The following SPRYD4 variants were observed in gnomAD, a reference collection of about 807,000 sequenced individuals.
SPRYD4 encodes the protein SPRY domain-containing protein 4.
A neutral mutation model predicts 16.6 loss-of-function variants in SPRYD4; 12 were observed. The observed-to-expected ratio is 0.72, with a 90% CI of 0.46 to 1.17. SPRYD4 has a LOEUF of 1.17. SPRYD4 is among the 50% of genes most tolerant of loss of function. The pLI, the probability that SPRYD4 is intolerant of heterozygous loss-of-function variation, is 0.00. For synonymous variants in SPRYD4, 98 were observed against 105.4 expected, an observed-to-expected ratio of 0.93 and a Z score of 0.43; for missense variants, 260 against 260.2, an observed-to-expected ratio of 1.00 and a Z score of 0.00.
At position 56,478,847 on chromosome 12, in the gene SPRYD4, G is replaced by A. The variant is rs1286893269; in HGVS notation, c.*9270G>A. ...ATCTCTACTAAAAATACAAAAATTA[G>A]TCGGGCATGGTGGTGTATGCCAGCT... On this transcript the variant is annotated 3_prime_UTR_variant, in exon 2 of 2. Transcript: ENST00000338146. The A allele has an allele frequency of 1.5e-5, 8 of 548,260 alleles. No individual in the cohort carries two copies. Among genetic ancestry groups the A allele is most frequent in the Non-Finnish European group, 2.2e-5 (7 of 322,580 alleles). 34.0% of individuals were successfully genotyped at this position (548,260 alleles called of 1,614,324 possible). A position where few individuals can be genotyped will look rare whatever the true frequency, so the allele number is the denominator to read the frequency against.
At position 56,471,489 on chromosome 12, in the gene SPRYD4, A is replaced by G; in HGVS notation, c.*1912A>G. The G allele has an allele frequency of 6.2e-7, 1 of 1,612,444 alleles. No homozygotes were observed. Among genetic ancestry groups the G allele is most frequent in the South Asian group, 1.1e-5 (1 of 90,862 alleles). On this transcript the variant is annotated 3_prime_UTR_variant, in exon 2 of 2. Coordinates refer to ENST00000338146, the MANE Select transcript of SPRYD4 (RefSeq NM_207344.4). ...CAGGGGCTGTCCATGACCTGTGCTCATACCATGCTTTCTAAGTTCTCTTTG... is the reference window on the plus strand; with the variant it reads ...CAGGGGCTGTCCATGACCTGTGCTCGTACCATGCTTTCTAAGTTCTCTTTG...
rs1439431088 is a variant in SPRYD4, at chr12:56,469,870, C to CA, written c.*294dup. On this transcript the variant is annotated 3_prime_UTR_variant, in exon 2 of 2. Coordinates refer to ENST00000338146, the MANE Select transcript of SPRYD4 (RefSeq NM_207344.4). Reference sequence around the variant, plus strand: ...TGCCTCCCTTTGCCCAGGCCTTTCTCAGACTGTATTCCATCCTGGGGTCTT... The same window carrying CA: ...TGCCTCCCTTTGCCCAGGCCTTTCTCAAGACTGTATTCCATCCTGGGGTCTT... 1.4e-5 allele frequency: 6 copies of CA among 426,524 alleles called. No individual in the cohort carries two copies. The Admixed American group carries it at 2.2e-4, about 16-fold the overall frequency. 26.4% of individuals were successfully genotyped at this position (426,524 alleles called of 1,614,324 possible).
At position 56,472,831 on chromosome 12, in the gene SPRYD4, G is replaced by T; in HGVS notation, c.*3254G>T. 1 of 1,139,916 alleles carries T rather than the reference G, an allele frequency of 8.8e-7. No homozygotes were observed. Among genetic ancestry groups the T allele is most frequent in the Non-Finnish European group, 1.3e-6 (1 of 750,234 alleles). 70.6% of individuals were successfully genotyped at this position (1,139,916 alleles called of 1,614,324 possible). On this transcript the variant is annotated 3_prime_UTR_variant, in exon 2 of 2. Coordinates refer to ENST00000338146, the MANE Select transcript of SPRYD4 (RefSeq NM_207344.4). The stretch of plus-strand genomic sequence containing the variant: ...TGCCCTGTGACCCTCCTCCATGGAT[G>T]CTTAGTCCAAGGGTATTGCTGAAGT...
rs1482157323 is a variant in SPRYD4, at chr12:56,469,293, T to A, written c.340T>A (p.Cys114Ser). ...VADVDMSRDS[C>S]IGVDDRSWVF... Reference sequence around the variant, plus strand: ...AGATGTGGACATGTCCCGGGATAGCTGCATTGGTGTTGATGATCGTTCCTG... The same window carrying A: ...AGATGTGGACATGTCCCGGGATAGCAGCATTGGTGTTGATGATCGTTCCTG... Residue 114 changes from cysteine to serine, a missense_variant, in exon 2 of 2, where the codon TGC (cysteine) becomes AGC (serine). Physicochemically the swap from Cys to Ser is moderately radical, Grantham distance 112. Coordinates refer to ENST00000338146, the MANE Select transcript of SPRYD4 (RefSeq NM_207344.4). 1.2e-6 allele frequency: 2 copies of A among 1,614,158 alleles called. No homozygotes were observed. The highest frequency in any genetic ancestry group is 1.7e-6 in the Non-Finnish European group (2 of 1,180,018).
rs746904700 is a variant in SPRYD4, at chr12:56,474,680, A to G, written c.*5103A>G. On this transcript the variant is annotated 3_prime_UTR_variant, in exon 2 of 2. Transcript: ENST00000338146. ...CCCACCGTTGGCGAGGGTGGCTGCC[A>G]TGACACTGCCTGATTCACAAGTGAC... is the stretch of plus-strand genomic sequence containing the variant. 56 of 1,612,922 alleles carry G rather than the reference A, an allele frequency of 3.5e-5. No individual in the cohort carries two copies. Among genetic ancestry groups the G allele is most frequent in the African/African-American group, 8.0e-5 (6 of 74,926 alleles).
At position 56,477,738 on chromosome 12, in the gene SPRYD4, C is replaced by G. The variant is rs757527543; in HGVS notation, c.*8161C>G. The G allele has an allele frequency of 1.5e-5, 24 of 1,607,276 alleles. No homozygotes were observed. The Middle Eastern group carries it at 5.0e-4, about 33-fold the overall frequency. On this transcript the variant is annotated 3_prime_UTR_variant, in exon 2 of 2. Coordinates refer to ENST00000338146, the MANE Select transcript of SPRYD4 (RefSeq NM_207344.4). Reference sequence around the variant, plus strand: ...GGATTCCTGGGGAAATACAAACCACCAAGAGTCTTAGCCACTGAACAAAGC... The same window carrying G: ...GGATTCCTGGGGAAATACAAACCACGAAGAGTCTTAGCCACTGAACAAAGC...
rs754547749 is a variant in SPRYD4, at chr12:56,469,328, C to T, written c.375C>T (p.Thr125=). The T allele has an allele frequency of 5.0e-6, 8 of 1,614,064 alleles. No individual in the cohort carries two copies. The African/African-American group carries it at 1.1e-4, about 22-fold the overall frequency. Residue 125 remains threonine (T), a synonymous_variant, in exon 2 of 2, where the codon ACC becomes ACT. Coordinates refer to ENST00000338146, the MANE Select transcript of SPRYD4 (RefSeq NM_207344.4). Reference sequence around the variant, plus strand: ...TTGATGATCGTTCCTGGGTGTTCACCTATGCCCAGCGCAAGTGGTACACCA... The same window carrying T: ...TTGATGATCGTTCCTGGGTGTTCACTTATGCCCAGCGCAAGTGGTACACCA... ...IGVDDRSWVF[T]YAQRKWYTML... is the part of the protein sequence containing the mutation.
Position 56,478,487 on chromosome 12 carries a change from G to A in SPRYD4, c.*8910G>A. On this transcript the variant is annotated 3_prime_UTR_variant, in exon 2 of 2. Coordinates refer to ENST00000338146, the MANE Select transcript of SPRYD4 (RefSeq NM_207344.4). ...TGTAGAGATAGCAGTAAAGCCAATG[G>A]AAGTTAAAAAAGGAGAATTCTGAGG... 2 of 535,408 alleles carry A rather than the reference G, an allele frequency of 3.7e-6. No homozygotes were observed. The highest frequency in any genetic ancestry group is 3.3e-5 in the Admixed American group (1 of 30,644). 33.2% of individuals were successfully genotyped at this position (535,408 alleles called of 1,614,324 possible).
Position 56,470,970 on chromosome 12 carries a change from T to G in SPRYD4, c.*1393T>G, listed in dbSNP as rs999121501. On this transcript the variant is annotated 3_prime_UTR_variant, in exon 2 of 2. Coordinates refer to ENST00000338146, the MANE Select transcript of SPRYD4 (RefSeq NM_207344.4). ...GCAAAAATGATTTGGTAATTAAAGT[T>G]TATTTGAACACAAAATACTTTCTCT... 5.9e-6 allele frequency: 1 copy of G among 169,488 alleles called. No individual in the cohort carries two copies. The highest frequency in any genetic ancestry group is 2.4e-5 in the African/African-American group (1 of 42,226). The allele number at this position is 169,488 out of a possible 1,614,324, so 10.5% of individuals were successfully genotyped here. A position where few individuals can be genotyped will look rare whatever the true frequency, so the allele number is the denominator to read the frequency against.
rs575448834 is a variant in SPRYD4, at chr12:56,468,762, C to T, written c.85+86C>T. 346 of 1,421,066 alleles carry T rather than the reference C, an allele frequency of 2.4e-4. 3 individuals are homozygous for T. In the African/African-American group the frequency reaches 4.4e-3, roughly 18 times the overall value. 88.0% of individuals were successfully genotyped at this position (1,421,066 alleles called of 1,614,324 possible). A position where few individuals can be genotyped will look rare whatever the true frequency, so the allele number is the denominator to read the frequency against. ...CCCCACTCCGAGAAGCAACTCCAAC[C>T]CTCTCGGGTCTTTTCCTTCCCCACC... On this transcript the variant is annotated intron_variant, in intron 1 of 1. Transcript: ENST00000338146.
rs1870092607 is a variant in SPRYD4, at chr12:56,479,265, A to G, written c.*9688A>G. On this transcript the variant is annotated 3_prime_UTR_variant, in exon 2 of 2. Transcript: ENST00000338146. ...GGAGCCACGGAAATTGGGAATAAAG[A>G]AGGTTGAGTGGTCTTCAGGTTTGGG... is the stretch of plus-strand genomic sequence containing the variant. 6.5e-7 allele frequency: 1 copy of G among 1,543,418 alleles called. No individual in the cohort carries two copies. Among genetic ancestry groups the G allele is most frequent in the Admixed American group, 1.9e-5 (1 of 53,826 alleles).
At position 56,475,898 on chromosome 12, in the gene SPRYD4, A is replaced by G. The variant is rs1183357060; in HGVS notation, c.*6321A>G. ...CACTGGGGCAGCTGGAGAGGACAGC[A>G]TGCCATGGCGAAATGCAGCCAGGGG... On this transcript the variant is annotated 3_prime_UTR_variant, in exon 2 of 2. Coordinates refer to ENST00000338146, the MANE Select transcript of SPRYD4 (RefSeq NM_207344.4). 3 of 1,603,834 alleles carry G rather than the reference A, an allele frequency of 1.9e-6. No homozygotes were observed. Among genetic ancestry groups the G allele is most frequent in the African/African-American group, 2.7e-5 (2 of 74,694 alleles).
Position 56,469,734 on chromosome 12 carries a change from T to A in SPRYD4, c.*157T>A. ...TGATCATCTTCCTCATCCCCTACCT[T>A]GTGAAAGCTAGGCATACAGCCAAAC... is the stretch of plus-strand genomic sequence containing the variant. On this transcript the variant is annotated 3_prime_UTR_variant, in exon 2 of 2. Coordinates refer to ENST00000338146, the MANE Select transcript of SPRYD4 (RefSeq NM_207344.4). 1.3e-6 allele frequency: 1 copy of A among 761,862 alleles called. No individual in the cohort carries two copies. 47.2% of individuals were successfully genotyped at this position (761,862 alleles called of 1,614,324 possible).
chr12:56,469,079 C>A lies in SPRYD4; in HGVS notation c.126C>A (p.Ser42Arg). 6.2e-7 allele frequency: 1 copy of A among 1,600,088 alleles called. No homozygotes were observed. Among genetic ancestry groups the A allele is most frequent in the South Asian group, 1.1e-5 (1 of 89,922 alleles). ...FKLEEKTAHS[S>R]LALFRDDTGV... ...TGGAAGAAAAAACCGCCCACAGCAGCCTGGCACTCTTCAGAGATGATACGG... is the reference window on the plus strand; with the variant it reads ...TGGAAGAAAAAACCGCCCACAGCAGACTGGCACTCTTCAGAGATGATACGG... The change falls in exon 2 of 2, where the codon AGC becomes AGA. Residue 42 changes from serine (S) to arginine (R), a missense_variant. Coordinates refer to ENST00000338146, the MANE Select transcript of SPRYD4 (RefSeq NM_207344.4).
chr12:56,469,296 A>G lies in SPRYD4; in HGVS notation c.343A>G (p.Ile115Val), dbSNP rs774354137. The part of the protein sequence containing the change: ...ADVDMSRDSC[I>V]GVDDRSWVFT... ...TGTGGACATGTCCCGGGATAGCTGC[A>G]TTGGTGTTGATGATCGTTCCTGGGT... The change falls in exon 2 of 2, where the codon ATT becomes GTT. Residue 115 changes from isoleucine to valine, a missense_variant. Coordinates refer to ENST00000338146, the MANE Select transcript of SPRYD4 (RefSeq NM_207344.4). 10 of 1,613,996 alleles carry G rather than the reference A, an allele frequency of 6.2e-6. No individual in the cohort carries two copies. The South Asian group carries it at 6.6e-5, about 11-fold the overall frequency.
rs901031980 is a variant in SPRYD4, at chr12:56,471,147, A to G, written c.*1570A>G. On this transcript the variant is annotated 3_prime_UTR_variant, in exon 2 of 2. Transcript: ENST00000338146. ...GCATGGTAGCTAGAGTCCCTCCACC[A>G]GAGTATCTCTCTCATGATGGTTTCT... 12 of 417,230 alleles carry G rather than the reference A, an allele frequency of 2.9e-5. No individual in the cohort carries two copies. The highest frequency in any genetic ancestry group is 1.0e-4 in the South Asian group (1 of 9,984). The allele number at this position is 417,230 out of a possible 1,614,324, so 25.8% of individuals were successfully genotyped here. A position where few individuals can be genotyped will look rare whatever the true frequency, so the allele number is the denominator to read the frequency against.
Position 56,472,864 on chromosome 12 carries a change from A to G in SPRYD4, c.*3287A>G. ...CAAGGGTATTGCTGAAGTGTTATGGAATGTGCTACTCTGAAATATTCTTTT... is the reference window on the plus strand; with the variant it reads ...CAAGGGTATTGCTGAAGTGTTATGGGATGTGCTACTCTGAAATATTCTTTT... On this transcript the variant is annotated 3_prime_UTR_variant, in exon 2 of 2. Coordinates refer to ENST00000338146, the MANE Select transcript of SPRYD4 (RefSeq NM_207344.4). The G allele has an allele frequency of 2.5e-6, 2 of 813,948 alleles. No homozygotes were observed. Among genetic ancestry groups the G allele is most frequent in the South Asian group, 3.0e-5 (2 of 66,994 alleles). The allele number at this position is 813,948 out of a possible 1,614,324, so 50.4% of individuals were successfully genotyped here. A position where few individuals can be genotyped will look rare whatever the true frequency, so the allele number is the denominator to read the frequency against.
Position 56,479,586 on chromosome 12 carries a change from G to T in SPRYD4, c.*10009G>T. The T allele has an allele frequency of 1.6e-6, 1 of 608,302 alleles. No homozygotes were observed. Among genetic ancestry groups the T allele is most frequent in the Non-Finnish European group, 2.5e-6 (1 of 397,716 alleles). 37.7% of individuals were successfully genotyped at this position (608,302 alleles called of 1,614,324 possible). On this transcript the variant is annotated 3_prime_UTR_variant, in exon 2 of 2. Coordinates refer to ENST00000338146, the MANE Select transcript of SPRYD4 (RefSeq NM_207344.4). ...GGGAAAAGAGGACAGGGATTGAGTA[G>T]GGAGGGAAAGGAGAACATGTATTTC...
At chr12:56,468,741 A>C (rs1592269251) in intron 1 of SPRYD4, 65 bp downstream of exon 1, 20 of 1,530,876 alleles carry the variant, frequency 1.3e-5, no homozygotes, top group Admixed American at 1.3e-4. Context: ...CCCAGACCCC[A>C]CTCCGAGAAG....
Sources: allele counts gnomAD v4.1 joint callset, GRCh38; gene constraint gnomAD v4.1.1; transcripts MANE v1.5; gene names NCBI Gene and HGNC (gene_info 2026-07-23, HGNC 2026-07-21).